Variants in CD58 observed in about 807,000 individuals in gnomAD.
CD58 encodes CD58 molecule.
CD58 carries 14 observed loss-of-function variants against 27.6 expected under a neutral mutation model. The ratio of observed to expected loss-of-function variants is 0.51; its 90% CI spans 0.34 to 0.79. The LOEUF (loss-of-function observed/expected upper bound fraction) is 0.79. Among genes scored for constraint, CD58 ranks in the 30% least tolerant of loss-of-function variants. The probability of loss-of-function intolerance (pLI) is 0.02; values close to 1 mark genes in which losing one functional copy is unlikely to be tolerated. For missense variants in CD58, 268 were observed against 301.7 expected, an observed-to-expected ratio of 0.89 and a Z score of 0.83; for synonymous variants, 117 against 103.8, an observed-to-expected ratio of 1.13 and a Z score of -0.77.
Position 116,534,683 on chromosome 1 carries a change from T to G in CD58, c.628+1282A>C, listed in dbSNP as rs535131823. ...TGCCCACCCTGACGAGGACGTCTAC[T>G]TTTTCTTGAAAAATGTCTTTCCTTT... On this transcript the variant is annotated intron_variant, in intron 3 of 5. Coordinates refer to ENST00000369489, the MANE Select transcript of CD58 (RefSeq NM_001779.3). This position sits in a 1 kb window ranked among gnomAD's most constrained non-coding sequence, Gnocchi z 5.3. Among the ~76,000 whole-genome samples, 839 of 152,316 alleles carry G rather than the reference T, an allele frequency of 5.5e-3. 9 individuals carry two copies. Among genetic ancestry groups the G allele is most frequent in the Non-Finnish European group, 7.8e-3 (528 of 68,008 alleles).
chr1:116,539,675 T>C lies in CD58; in HGVS notation c.365-3447A>G, dbSNP rs535871375. Among the ~76,000 whole-genome samples the C allele has an allele frequency of 6.6e-5, 10 of 152,302 alleles. No homozygotes were observed. In the East Asian group the frequency reaches 1.5e-3, roughly 23 times the overall value. On this transcript the variant is annotated intron_variant, in intron 2 of 5. Transcript: ENST00000369489. ...CACAACAGTTGCCAGATGGCAAAGG[T>C]AGAAGTGCCTATCCAACTCATCTAA...
At chr1:116,545,556 T>C (rs1658140456) in intron 1 of CD58, among the ~76,000 whole-genome samples, 1 of 152,136 alleles carries the variant, frequency 6.6e-6, no homozygotes, top group African/African-American at 2.4e-5. Flanking sequence ...TCAGGTCTCC[T>C]TGGCTGACTG....
chr1:116,565,383 A>G (rs182393788), intron 1 of CD58, among the ~76,000 whole-genome samples: 126 of 152,290 alleles, frequency 8.3e-4, no homozygotes, highest in African/African-American at 2.9e-3. Flanking sequence ...TAGACCTGGA[A>G]TATCACTCCC....
intron 1 of CD58, among the ~76,000 whole-genome samples, chr1:116,567,177 A>AGAAGGGAAGG (rs536890121): frequency 0.025 from 2,980 of 118,602 alleles, 88 homozygotes; most frequent in Non-Finnish European, 0.037. Flanking sequence ...AAAGAAGGAA[A>AGAAGGGAAGG]GAAGGGAAGG....
intron 1 of CD58, among the ~76,000 whole-genome samples, chr1:116,545,641 G>A (rs1281223704): frequency 2.0e-5 from 3 of 152,184 alleles, no homozygotes; most frequent in Admixed American, 2.0e-4. Flanking sequence ...TAAGAACTCA[G>A]GGATTGGGTG....
chr1:116,568,169 A>G (rs1659009002), intron 1 of CD58, among the ~76,000 whole-genome samples: 1 of 152,158 alleles, frequency 6.6e-6, no homozygotes, highest in South Asian at 2.1e-4. Flanking sequence ...ACCAGGAAAC[A>G]GTATTGTATC....
rs559535223 is a variant in CD58, at chr1:116,563,795, C to T, written c.70+7108G>A. 1.3e-5 allele frequency among the ~76,000 whole-genome samples: 2 copies of T among 152,354 alleles called. No homozygotes were observed. The highest frequency in any genetic ancestry group is 1.3e-4 in the Admixed American group (2 of 15,308). On this transcript the variant is annotated intron_variant, in intron 1 of 5. Coordinates refer to ENST00000369489, the MANE Select transcript of CD58 (RefSeq NM_001779.3). The surrounding 1 kb of genome is among the most constrained non-coding windows in gnomAD (Gnocchi z 4.1). ...CATGAAACAATTTTTCCCTCCAAGGCCTCCAGGCCTGTGATAGGAGGGGCT... is the reference window on the plus strand; with the variant it reads ...CATGAAACAATTTTTCCCTCCAAGGTCTCCAGGCCTGTGATAGGAGGGGCT...
At chr1:116,556,255 GAAAAAAA>G (rs1158092746) in intron 1 of CD58, among the ~76,000 whole-genome samples, 63 of 29,826 alleles carry the variant, frequency 2.1e-3, no homozygotes, top group East Asian at 7.8e-3. Context: ...CTCCATCTCA[GAAAAAAA>G]AAAAAAAAAA....
At chr1:116,564,809 G>A (rs1658879356) in intron 1 of CD58, among the ~76,000 whole-genome samples, 1 of 152,100 alleles carries the variant, frequency 6.6e-6, no homozygotes, top group South Asian at 2.1e-4. Flanking sequence ...CATATCATGG[G>A]GTTTCAGCAT....
intron 1 of CD58, among the ~76,000 whole-genome samples, chr1:116,551,067 C>A (rs1316261732): frequency 1.3e-5 from 2 of 152,210 alleles, no homozygotes; most frequent in East Asian, 3.9e-4. Flanking sequence ...TTATAGAGCA[C>A]AAGCAGAATA....
At chr1:116,526,947 A>ATTT (rs1557833621) in intron 3 of CD58, among the ~76,000 whole-genome samples, 1 of 152,148 alleles carries the variant, frequency 6.6e-6, no homozygotes, top group Non-Finnish European at 1.5e-5. Flanking sequence ...GCTAAGGTAA[A>ATTT]TGGTGTTGTG....
At chr1:116,565,734 T>G (rs1177070537) in intron 1 of CD58, among the ~76,000 whole-genome samples, 2 of 150,978 alleles carry the variant, frequency 1.3e-5, no homozygotes, top group Non-Finnish European at 3.0e-5. Context: ...TTTGTTTTTT[T>G]TTTTTGAGAC....
At chr1:116,556,787 C>T (rs1022381562) in intron 1 of CD58, among the ~76,000 whole-genome samples, 1 of 152,194 alleles carries the variant, frequency 6.6e-6, no homozygotes, top group Non-Finnish European at 1.5e-5. Flanking sequence ...GAGATACCAG[C>T]GGGCCAAGTG....
chr1:116,570,840 C>A lies in CD58; in HGVS notation c.70+63G>T. ...CCGCCTCGAGCCCGGCGCGTCCACC[C>A]AGCCTGGGTGCTGCCCAGTACCCGC... On this transcript the variant is annotated intron_variant, in intron 1 of 5. Coordinates refer to ENST00000369489, the MANE Select transcript of CD58 (RefSeq NM_001779.3). This position sits in a 1 kb window ranked among gnomAD's most constrained non-coding sequence, Gnocchi z 6.4. 1 of 1,371,676 alleles carries A rather than the reference C, an allele frequency of 7.3e-7. No individual in the cohort carries two copies. Among genetic ancestry groups the A allele is most frequent in the South Asian group, 1.3e-5 (1 of 77,646 alleles). 85.0% of individuals were successfully genotyped at this position (1,371,676 alleles called of 1,614,324 possible). A position where few individuals can be genotyped will look rare whatever the true frequency, so the allele number is the denominator to read the frequency against.
In CD58 at chr1:116,559,867, A is replaced by G. The variant is rs1658701456; in HGVS notation, c.70+11036T>C. Reference sequence around the variant, plus strand: ...GTTTCCCTTTAGACCTATGCAATCCATCAAAGTAGCTACCAGCTACAAGTG... The same window carrying G: ...GTTTCCCTTTAGACCTATGCAATCCGTCAAAGTAGCTACCAGCTACAAGTG... On this transcript the variant is annotated intron_variant, in intron 1 of 5. Transcript: ENST00000369489. This position sits in a 1 kb window ranked among gnomAD's most constrained non-coding sequence, Gnocchi z 4.4. 6.6e-6 allele frequency among the ~76,000 whole-genome samples: 1 copy of G among 152,174 alleles called. No individual in the cohort carries two copies. The highest frequency in any genetic ancestry group is 6.5e-5 in the Admixed American group (1 of 15,286).
At chr1:116,520,365 G>A (rs1657228237) in intron 4 of CD58, among the ~76,000 whole-genome samples, 1 of 150,730 alleles carries the variant, frequency 6.6e-6, no homozygotes, top group African/African-American at 2.4e-5. Flanking sequence ...CACACAACTC[G>A]ACCTCTCAAT....
Position 116,532,853 on chromosome 1 carries a change from T to G in CD58, c.628+3112A>C, listed in dbSNP as rs1016421849. The G allele has an allele frequency of 1.6e-5, 10 of 627,958 alleles. No individual in the cohort carries two copies. The Admixed American group carries it at 2.3e-4, about 14-fold the overall frequency. 38.9% of individuals were successfully genotyped at this position (627,958 alleles called of 1,614,324 possible). ...GGAGTAAGCGCTGTCGACGGGATTGTGCCGCATGCGGCAAAGACTGAGGCC... is the reference window on the plus strand; with the variant it reads ...GGAGTAAGCGCTGTCGACGGGATTGGGCCGCATGCGGCAAAGACTGAGGCC... On this transcript the variant is annotated intron_variant, in intron 3 of 5. Coordinates refer to ENST00000369489, the MANE Select transcript of CD58 (RefSeq NM_001779.3). This position sits in a 1 kb window ranked among gnomAD's most constrained non-coding sequence, Gnocchi z 5.1.
chr1:116,522,229 C>T lies in CD58; in HGVS notation c.629-246G>A, dbSNP rs1657284334. On this transcript the variant is annotated intron_variant, in intron 3 of 5. Transcript: ENST00000369489. This position sits in a 1 kb window ranked among gnomAD's most constrained non-coding sequence, Gnocchi z 4.6. ...TGCCTTCTTGTTTCAAGTTCTTACA[C>T]TGTTAACAAGTGTCCTATTTGCAGT... Among the ~76,000 whole-genome samples, 1 of 152,200 alleles carries T rather than the reference C, an allele frequency of 6.6e-6. No individual in the cohort carries two copies. Among genetic ancestry groups the T allele is most frequent in the African/African-American group, 2.4e-5 (1 of 41,434 alleles).
At chr1:116,562,712 T>A (rs1025121864) in intron 1 of CD58, among the ~76,000 whole-genome samples, 4 of 152,072 alleles carry the variant, frequency 2.6e-5, no homozygotes, top group African/African-American at 7.2e-5. Flanking sequence ...TATGAAACCA[T>A]CAGATCTTGT....
Sources: allele counts gnomAD v4.1 joint callset (sites outside exome capture counted in the v4.1 genomes callset), GRCh38; gene constraint gnomAD v4.1.1; non-coding constraint Gnocchi (gnomAD v3.1); transcripts MANE v1.5; gene names NCBI Gene and HGNC (gene_info 2026-07-23, HGNC 2026-07-21).